Variants in FIRRM observed in about 807,000 individuals in gnomAD.
FIRRM encodes FIGNL1 interacting regulator of recombination and mitosis, also known as FIGNL1-interacting regulator of recombination and mitosis.
At chr1:169,831,592 G>A in the FIRRM span, among the ~76,000 whole-genome samples, 1 of 152,140 alleles carries the variant, frequency 6.6e-6, no homozygotes, top group Non-Finnish European at 1.5e-5. Flanking sequence ...TTTATGTTAT[G>A]TGTTTTATGT....
At chr1:169,853,882 C>T in the FIRRM span, 2 of 1,211,516 alleles carry the variant, frequency 1.7e-6, no homozygotes, top group Non-Finnish European at 2.4e-6. Context: ...ATGCCAGAAA[C>T]ACTACCTCGT....
At chr1:169,817,248 T>C in the FIRRM span, among the ~76,000 whole-genome samples, 1 of 152,228 alleles carries the variant, frequency 6.6e-6, no homozygotes, top group South Asian at 2.1e-4. Context: ...TCTATTTTAA[T>C]GTCACAATTG....
the FIRRM span, among the ~76,000 whole-genome samples, chr1:169,844,276 C>G: frequency 6.6e-6 from 1 of 152,216 alleles, no homozygotes. Flanking sequence ...TCTAGGGAAC[C>G]CTTGTGGTGC....
chr1:169,847,852 A>T, the FIRRM span: 1 of 1,288,998 alleles, frequency 7.8e-7, no homozygotes, highest in Non-Finnish European at 1.1e-6. Flanking sequence ...AAATCTCTAT[A>T]AGAGTTAGTG....
chr1:169,817,798 G>A, the FIRRM span, among the ~76,000 whole-genome samples: 2 of 151,962 alleles, frequency 1.3e-5, no homozygotes, highest in Non-Finnish European at 2.9e-5. Context: ...TAACCATAAG[G>A]TAAGATTCTC....
the FIRRM span, among the ~76,000 whole-genome samples, chr1:169,799,263 C>T: frequency 6.6e-6 from 1 of 152,186 alleles, no homozygotes; most frequent in Non-Finnish European, 1.5e-5. Context: ...GATATGCAGT[C>T]TACTGAATAG....
the FIRRM span, among the ~76,000 whole-genome samples, chr1:169,821,929 A>G: frequency 1.3e-5 from 2 of 152,168 alleles, no homozygotes; most frequent in Non-Finnish European, 2.9e-5. Context: ...TGATTTCTTT[A>G]TCATTTATGG....
chr1:169,803,723 G>C, the FIRRM span, among the ~76,000 whole-genome samples: 1 of 152,150 alleles, frequency 6.6e-6, no homozygotes, highest in African/African-American at 2.4e-5. Flanking sequence ...AGGCACAAAA[G>C]CTTGCCTAGA....
At chr1:169,830,830 C>T in the FIRRM span, 26 of 1,221,588 alleles carry the variant, frequency 2.1e-5, no homozygotes, top group Admixed American at 8.6e-5. Flanking sequence ...ATGTGAATAT[C>T]GGCGGGAGAA....
At chr1:169,816,793 A>T in the FIRRM span, among the ~76,000 whole-genome samples, 1 of 152,320 alleles carries the variant, frequency 6.6e-6, no homozygotes, top group Admixed American at 6.5e-5. Flanking sequence ...TATTGGCTTT[A>T]TAAGTCAAGT....
chr1:169,816,262 T>G, the FIRRM span, among the ~76,000 whole-genome samples: 3 of 152,132 alleles, frequency 2.0e-5, no homozygotes, highest in African/African-American at 7.2e-5. Flanking sequence ...AGAATACTGA[T>G]CCAGATTTTC....
At chr1:169,799,241 T>C in the FIRRM span, among the ~76,000 whole-genome samples, 1 of 152,242 alleles carries the variant, frequency 6.6e-6, no homozygotes, top group South Asian at 2.1e-4. Flanking sequence ...CGATTAGACC[T>C]ATATAAAACA....
chr1:169,850,359 A>C, the FIRRM span: 5 of 1,554,802 alleles, frequency 3.2e-6, no homozygotes, highest in South Asian at 2.3e-5. Context: ...CTTTCTTTAC[A>C]TGGCTCATGT....
chr1:169,852,768 ATTAC>A, the FIRRM span: 58 of 1,610,748 alleles, frequency 3.6e-5, no homozygotes, highest in Admixed American at 3.0e-4. Flanking sequence ...ATATTGTGAT[ATTAC>A]TTATGTTTTT....
chr1:169,843,854 TTCCTTTAA>T, the FIRRM span: 1 of 796,872 alleles, frequency 1.3e-6, no homozygotes, highest in Admixed American at 2.1e-5. Flanking sequence ...CTAGAAATAG[TTCCTTTAA>T]ACCTCCTCTT....
the FIRRM span, among the ~76,000 whole-genome samples, chr1:169,787,868 T>C: frequency 4.3e-5 from 5 of 116,324 alleles, no homozygotes; most frequent in Non-Finnish European, 9.7e-5. Flanking sequence ...TGATGTATGT[T>C]ACATAGTTTT....
the FIRRM span, chr1:169,807,775 CT>C: frequency 3.2e-6 from 5 of 1,552,778 alleles, no homozygotes; most frequent in Admixed American, 1.1e-4. Context: ...GTATTCTTTT[CT>C]TTTTATTCAT....
the FIRRM span, chr1:169,795,216 ATCCT>A: frequency 6.5e-7 from 1 of 1,535,642 alleles, no homozygotes; most frequent in Non-Finnish European, 8.7e-7. Context: ...GACTCCTCAT[ATCCT>A]TCCTTGGTTG....
the FIRRM span, among the ~76,000 whole-genome samples, chr1:169,800,023 C>G: frequency 6.6e-6 from 1 of 151,150 alleles, no homozygotes; most frequent in African/African-American, 2.5e-5. Flanking sequence ...GATGCTTGGC[C>G]TGTGTTTTTG....
Sources: gnomAD v4.1 joint callset for allele counts (sites outside exome capture counted in the v4.1 genomes callset) on GRCh38, gnomAD v4.1.1 for gene constraint, MANE v1.5 for transcripts, NCBI Gene and HGNC (gene_info 2026-07-23, HGNC 2026-07-21) for gene names.